The following GABRB1 variants were observed in gnomAD, a reference collection of about 807,000 sequenced individuals.
GABRB1 encodes gamma-aminobutyric acid receptor subunit beta-1.
In GABRB1, 17 loss-of-function variants were observed where a neutral mutation model predicts 51.6. That is an observed-to-expected ratio of 0.33 (90% CI 0.23 to 0.49). The LOEUF is 0.49. GABRB1 is among the 20% of genes least tolerant of loss of function. The pLI is 0.99. For synonymous variants in GABRB1, 247 were observed against 218.9 expected (o/e 1.13, Z -1.14); for missense variants, 410 against 600.6 (o/e 0.68, Z 3.32).
chr4:47,301,116 C>G (rs1724242384), intron 4 of GABRB1, among the ~76,000 whole-genome samples: 1 of 152,018 alleles, frequency 6.6e-6, no homozygotes, highest in African/African-American at 2.4e-5. Context: ...TAGAGAAATT[C>G]AGTCAGCAAA....
In GABRB1 at chr4:47,320,109, C is replaced by G. The variant is rs780264852; in HGVS notation, c.462-18C>G. The G allele has an allele frequency of 2.7e-6, 4 of 1,502,388 alleles. No individual in the cohort carries two copies. The African/African-American group carries it at 5.5e-5, about 21-fold the overall frequency. 93.1% of individuals were successfully genotyped at this position (1,502,388 alleles called of 1,614,324 possible). ...TCACTTTTGTAATGTTTTCTTTTTT[C>G]TCTCTCCTCTCTATCAGAATCACAA... On this transcript the variant is annotated intron_variant, in intron 4 of 8. Coordinates refer to ENST00000295454, the MANE Select transcript of GABRB1 (RefSeq NM_000812.4).
At chr4:47,332,443 G>A (rs1725519906) in intron 5 of GABRB1, among the ~76,000 whole-genome samples, 1 of 152,102 alleles carries the variant, frequency 6.6e-6, no homozygotes, top group African/African-American at 2.4e-5. Flanking sequence ...AGGGGTCTTG[G>A]ATTTTCTATG....
At chr4:47,384,216 T>G (rs939589606) in intron 5 of GABRB1, among the ~76,000 whole-genome samples, 18 of 152,214 alleles carry the variant, frequency 1.2e-4, no homozygotes, top group Admixed American at 1.0e-3. Context: ...CCATATATAA[T>G]CTTTGTTATA....
At chr4:47,398,589 G>C (rs376771231) in intron 5 of GABRB1, among the ~76,000 whole-genome samples, 2 of 152,216 alleles carry the variant, frequency 1.3e-5, no homozygotes, top group African/African-American at 4.8e-5. Context: ...CAGAGAGAGA[G>C]ACAGAGACAG....
At chr4:47,361,275 GT>G (rs1222929387) in intron 5 of GABRB1, among the ~76,000 whole-genome samples, 1 of 152,156 alleles carries the variant, frequency 6.6e-6, no homozygotes, top group Non-Finnish European at 1.5e-5. Flanking sequence ...TAAGGAAAGC[GT>G]GCCAACAAAA....
chr4:47,341,904 T>G (rs1011344904), intron 5 of GABRB1, among the ~76,000 whole-genome samples: 2 of 152,156 alleles, frequency 1.3e-5, no homozygotes, highest in Non-Finnish European at 2.9e-5. Context: ...GCAAAAATCC[T>G]TTTAGGGAAC....
intron 4 of GABRB1, among the ~76,000 whole-genome samples, chr4:47,288,590 A>T (rs1251375803): frequency 6.6e-6 from 1 of 152,056 alleles, no homozygotes; most frequent in Non-Finnish European, 1.5e-5. Flanking sequence ...ATGTTTTCCT[A>T]AGGTCTAGCA....
chr4:47,098,590 G>T (rs763375344), intron 3 of GABRB1, among the ~76,000 whole-genome samples: 2 of 152,082 alleles, frequency 1.3e-5, no homozygotes, highest in Non-Finnish European at 2.9e-5. Context: ...ACAGTATCCA[G>T]TGTGACTAGA....
At chr4:47,283,996 G>A (rs1167035764) in intron 4 of GABRB1, among the ~76,000 whole-genome samples, 1 of 151,720 alleles carries the variant, frequency 6.6e-6, no homozygotes, top group Admixed American at 6.6e-5. Context: ...TACTCTGGAG[G>A]CTGAGGCAGG....
intron 3 of GABRB1, among the ~76,000 whole-genome samples, chr4:47,091,806 G>T (rs1212174950): frequency 2.0e-5 from 3 of 152,078 alleles, no homozygotes; most frequent in African/African-American, 7.2e-5. Flanking sequence ...CAGCCTCCTG[G>T]CACTCCACGC....
At chr4:47,145,360 A>G (rs1003673259) in intron 3 of GABRB1, among the ~76,000 whole-genome samples, 2 of 152,006 alleles carry the variant, frequency 1.3e-5, no homozygotes, top group East Asian at 1.9e-4. Flanking sequence ...TCCACACTAA[A>G]CTATAGGATC....
At chr4:47,019,973 A>G (rs1724883148) in intron 1 of GABRB1, among the ~76,000 whole-genome samples, 1 of 144,730 alleles carries the variant, frequency 6.9e-6, no homozygotes, top group Admixed American at 6.8e-5. Context: ...TTTTGTAGAG[A>G]CAGGGTTTCA....
intron 5 of GABRB1, among the ~76,000 whole-genome samples, chr4:47,395,485 G>A (rs1246183456): frequency 6.6e-6 from 1 of 152,096 alleles, no homozygotes; most frequent in African/African-American, 2.4e-5. Flanking sequence ...CCCACACGTG[G>A]TGATTACAAT....
intron 4 of GABRB1, among the ~76,000 whole-genome samples, chr4:47,299,482 T>C (rs1724156042): frequency 6.6e-6 from 1 of 152,010 alleles, no homozygotes; most frequent in Non-Finnish European, 1.5e-5. Context: ...AAAAAACACA[T>C]GAAAAAATGC....
intron 1 of GABRB1, among the ~76,000 whole-genome samples, chr4:47,007,175 A>G (rs1724431054): frequency 6.6e-6 from 1 of 152,104 alleles, no homozygotes; most frequent in African/African-American, 2.4e-5. Context: ...GAAAGTACAT[A>G]AACTTTAAAT....
intron 4 of GABRB1, among the ~76,000 whole-genome samples, chr4:47,179,735 G>A (rs999548590): frequency 1.3e-5 from 2 of 152,096 alleles, no homozygotes; most frequent in African/African-American, 4.8e-5. Context: ...ATCTGAAATA[G>A]TGCTGGAGAA....
Position 47,083,090 on chromosome 4 carries a change from A to C in GABRB1, c.240+50606A>C, listed in dbSNP as rs534745905. 2.6e-5 allele frequency among the ~76,000 whole-genome samples: 4 copies of C among 152,276 alleles called. No individual in the cohort carries two copies. The East Asian group carries it at 7.7e-4, about 29-fold the overall frequency. On this transcript the variant is annotated intron_variant, in intron 3 of 8. Transcript: ENST00000295454. ...TATGTTTTTACAAAGGAAAAGAAGA[A>C]AAGGATAGATTACTGTACTCTACTT...
intron 3 of GABRB1, among the ~76,000 whole-genome samples, chr4:47,078,580 C>G (rs1312823097): frequency 1.3e-5 from 2 of 152,158 alleles, no homozygotes; most frequent in Non-Finnish European, 2.9e-5. Flanking sequence ...TTTGTCTTTT[C>G]CTTCCTATGT....
At chr4:47,215,808 A>G (rs1720532015) in intron 4 of GABRB1, among the ~76,000 whole-genome samples, 1 of 152,106 alleles carries the variant, frequency 6.6e-6, no homozygotes, top group Non-Finnish European at 1.5e-5. Context: ...ATAGATGCTC[A>G]AACACCCTAG....
Sources: allele counts gnomAD v4.1 joint callset (sites outside exome capture counted in the v4.1 genomes callset), GRCh38; gene constraint gnomAD v4.1.1; transcripts MANE v1.5; gene names NCBI Gene and HGNC (gene_info 2026-07-23, HGNC 2026-07-21).